MEMO1: variants seen among roughly 807,000 people sequenced by gnomAD.
MEMO1 encodes the protein protein MEMO1.
In MEMO1, 6 loss-of-function variants were observed where a neutral mutation model predicts 45.2. The observed-to-expected ratio is 0.13, with a 90% confidence interval of 0.07 to 0.26. MEMO1 has a LOEUF of 0.26. MEMO1 is among the 10% of genes least tolerant of loss of function. The pLI, the probability that MEMO1 is intolerant of heterozygous loss-of-function variation, is 1.00. For synonymous variants in MEMO1, 78 were observed against 124.3 expected (o/e 0.63, Z 2.48); for missense variants, 184 against 370.5 (o/e 0.50, Z 4.13).
intron 8 of MEMO1, 32 bp downstream of exon 8, chr2:31,883,354 G>C (rs1371147764): frequency 6.4e-6 from 9 of 1,401,322 alleles, no homozygotes; most frequent in Middle Eastern, 4.9e-4. Flanking sequence ...AAAAGCCTTA[G>C]AGCATTAAAA....
chr2:31,967,456 A>AT (rs1358738365), intron 2 of MEMO1, among the ~76,000 whole-genome samples: 5 of 151,224 alleles, frequency 3.3e-5, no homozygotes, highest in Non-Finnish European at 5.9e-5. Flanking sequence ...TAAAAGTATA[A>AT]TTTTTTCTTT....
intron 8 of MEMO1, among the ~76,000 whole-genome samples, chr2:31,872,613 A>G (rs1330042218): frequency 1.3e-5 from 2 of 152,186 alleles, no homozygotes; most frequent in Non-Finnish European, 2.9e-5. Flanking sequence ...AAATGCAGAA[A>G]AAATACTACT....
chr2:31,970,612 T>C (rs1669271065), intron 2 of MEMO1, among the ~76,000 whole-genome samples: 1 of 151,756 alleles, frequency 6.6e-6, no homozygotes, highest in Non-Finnish European at 1.5e-5. Flanking sequence ...CAAAATGCAC[T>C]ATCATTCCCA....
At chr2:31,953,581 G>C (rs1667089363) in intron 2 of MEMO1, among the ~76,000 whole-genome samples, 1 of 151,584 alleles carries the variant, frequency 6.6e-6, no homozygotes, top group African/African-American at 2.4e-5. Flanking sequence ...TCAGTCTCCT[G>C]AGTAGCTGAG....
chr2:31,953,078 G>A (rs567567209), intron 2 of MEMO1, among the ~76,000 whole-genome samples: 18 of 152,128 alleles, frequency 1.2e-4, no homozygotes, highest in Non-Finnish European at 2.4e-4. Context: ...CCATATTTAA[G>A]ATTATTTCTG....
chr2:31,924,184 A>C (rs1255045897), intron 4 of MEMO1, among the ~76,000 whole-genome samples: 2 of 152,208 alleles, frequency 1.3e-5, no homozygotes, highest in African/African-American at 4.8e-5. Context: ...GGGACATTTA[A>C]ACCAGCCGTA....
rs551126176 is a variant in MEMO1, at chr2:31,961,656, T to G, written c.62-18273A>C. ...AGCTAGGCATGGTTACACACACCTA[T>G]AGCCCCAGCTACTCAGGAAGCTGAG... On this transcript the variant is annotated intron_variant, in intron 2 of 9. Coordinates refer to ENST00000404530, the MANE Select transcript of MEMO1 (RefSeq NM_001301833.4). Among the ~76,000 whole-genome samples, 5 of 151,696 alleles carry G rather than the reference T, an allele frequency of 3.3e-5. No individual in the cohort carries two copies. The South Asian group carries it at 8.4e-4, about 25-fold the overall frequency.
chr2:31,959,297 T>C (rs772178344), intron 2 of MEMO1, among the ~76,000 whole-genome samples: 1 of 152,130 alleles, frequency 6.6e-6, no homozygotes, highest in African/African-American at 2.4e-5. Flanking sequence ...CTGATGATGA[T>C]GACAATAGAA....
chr2:31,962,716 G>T (rs1004103204), intron 2 of MEMO1, among the ~76,000 whole-genome samples: 2 of 152,156 alleles, frequency 1.3e-5, no homozygotes, highest in Non-Finnish European at 2.9e-5. Flanking sequence ...TCATCAAAGG[G>T]CATTCATTGA....
intron 8 of MEMO1, among the ~76,000 whole-genome samples, chr2:31,871,498 TACACACAC>T (rs77754382): frequency 2.0e-5 from 3 of 147,876 alleles, no homozygotes; most frequent in African/African-American, 7.5e-5. Context: ...ATTCCATATA[TACACACAC>T]ACACACACAC....
At chr2:31,996,204 G>C (rs752183228) in intron 2 of MEMO1, among the ~76,000 whole-genome samples, 1 of 151,572 alleles carries the variant, frequency 6.6e-6, no homozygotes, top group Non-Finnish European at 1.5e-5. Flanking sequence ...GAGAGACAGA[G>C]GGGGAGAGAG....
intron 6 of MEMO1, among the ~76,000 whole-genome samples, chr2:31,912,877 TTA>T (rs1558498026): frequency 6.6e-6 from 1 of 152,220 alleles, no homozygotes; most frequent in Non-Finnish European, 1.5e-5. Flanking sequence ...CGTATATTTT[TTA>T]TGTCAGTAGA....
chr2:31,932,047 A>G lies in MEMO1; in HGVS notation c.212+20T>C. On this transcript the variant is annotated intron_variant, in intron 4 of 9. Coordinates refer to ENST00000404530, the MANE Select transcript of MEMO1 (RefSeq NM_001301833.4). ...AAATTCTCAAGCTTCTCCGACTTAA[A>G]ACAAAACTACATTACTTACGTAATA... 1 of 1,605,856 alleles carries G rather than the reference A, an allele frequency of 6.2e-7. No individual in the cohort carries two copies. Among genetic ancestry groups the G allele is most frequent in the Non-Finnish European group, 8.5e-7 (1 of 1,176,052 alleles).
At chr2:31,945,567 T>G (rs1572765836) in intron 2 of MEMO1, among the ~76,000 whole-genome samples, 1 of 152,180 alleles carries the variant, frequency 6.6e-6, no homozygotes, top group South Asian at 2.1e-4. Context: ...CCTGGTAAAT[T>G]CTTTCTCTGC....
chr2:31,956,722 A>G (rs1667453274), intron 2 of MEMO1, among the ~76,000 whole-genome samples: 1 of 152,236 alleles, frequency 6.6e-6, no homozygotes, highest in Admixed American at 6.5e-5. Context: ...ACATCTTTTA[A>G]TTGAGGGGGA....
At chr2:31,926,490 T>C (rs1044395157) in intron 4 of MEMO1, among the ~76,000 whole-genome samples, 2 of 152,174 alleles carry the variant, frequency 1.3e-5, no homozygotes, top group African/African-American at 4.8e-5. Context: ...CTTTTATCAC[T>C]GTAAGCTTGA....
At chr2:31,933,176 G>A (rs1010494879) in intron 3 of MEMO1, among the ~76,000 whole-genome samples, 3 of 150,366 alleles carry the variant, frequency 2.0e-5, no homozygotes, top group Non-Finnish European at 4.4e-5. Context: ...AGAAAATAGC[G>A]AGGCATGGTG....
chr2:32,007,474 T>C (rs1226152678), intron 2 of MEMO1, among the ~76,000 whole-genome samples: 1 of 152,214 alleles, frequency 6.6e-6, no homozygotes, highest in Admixed American at 6.5e-5. Context: ...TAAATGGATC[T>C]AGCATATAAC....
intron 2 of MEMO1, among the ~76,000 whole-genome samples, chr2:32,000,377 C>A (rs926447666): frequency 4.6e-5 from 7 of 152,088 alleles, no homozygotes; most frequent in African/African-American, 9.7e-5. Flanking sequence ...ACTACAGGAA[C>A]CTGCCACCAC....
Sources: gnomAD v4.1 joint callset for allele counts (sites outside exome capture counted in the v4.1 genomes callset) on GRCh38, gnomAD v4.1.1 for gene constraint, MANE v1.5 for transcripts, NCBI Gene and HGNC (gene_info 2026-07-23, HGNC 2026-07-21) for gene names.